Variants in FER1L6 observed in about 807,000 individuals in gnomAD.
The protein encoded by FER1L6 is fer-1-like protein 6.
A neutral mutation model predicts 219.2 loss-of-function variants in FER1L6; 177 were observed. The ratio of observed to expected loss-of-function variants is 0.81; its 90% CI spans 0.71 to 0.91. The LOEUF (loss-of-function observed/expected upper bound fraction) is 0.91. Among genes scored for constraint, FER1L6 ranks in the 40% least tolerant of loss-of-function variants. The probability of loss-of-function intolerance (pLI) is 0.00; values close to 1 mark genes in which losing one functional copy is unlikely to be tolerated. For synonymous variants in FER1L6, 768 were observed against 824.3 expected (o/e 0.93, Z 1.17); for missense variants, 2,153 against 2,259.9 (o/e 0.95, Z 0.96).
chr8:123,864,144 C>T (rs545353103), intron 1 of FER1L6, among the ~76,000 whole-genome samples: 1 of 149,260 alleles, frequency 6.7e-6, no homozygotes, highest in South Asian at 2.1e-4. Context: ...ATGTTTAGCG[C>T]TTCCTTCAGG....
At chr8:123,952,343 G>A (rs1343898314) in intron 1 of FER1L6, among the ~76,000 whole-genome samples, 1 of 152,232 alleles carries the variant, frequency 6.6e-6, no homozygotes, top group Non-Finnish European at 1.5e-5. Flanking sequence ...CGGGCCTTGT[G>A]GTTAAACACT....
At chr8:123,890,625 A>ATTTT (rs59914385) in intron 1 of FER1L6, among the ~76,000 whole-genome samples, 1,499 of 91,390 alleles carry the variant, frequency 0.016, 98 homozygotes, top group African/African-American at 0.04. Flanking sequence ...TAAAAATTTG[A>ATTTT]TTTTTTTTTT....
chr8:123,871,930 G>A (rs1413393697), intron 1 of FER1L6, among the ~76,000 whole-genome samples: 1 of 152,108 alleles, frequency 6.6e-6, no homozygotes, highest in Non-Finnish European at 1.5e-5. Context: ...TATGTATTAG[G>A]CTGTTCTTGC....
intron 12 of FER1L6, among the ~76,000 whole-genome samples, chr8:123,990,731 A>G (rs1816817723): frequency 6.6e-6 from 1 of 152,058 alleles, no homozygotes; most frequent in African/African-American, 2.4e-5. Context: ...ATTAGGTCCC[A>G]CTTATTTATG....
At chr8:124,015,195 C>T (rs993157587) in intron 15 of FER1L6, among the ~76,000 whole-genome samples, 2 of 152,118 alleles carry the variant, frequency 1.3e-5, no homozygotes, top group Non-Finnish European at 2.9e-5. Flanking sequence ...CAGCCCATCA[C>T]TCTTGACGGT....
intron 33 of FER1L6, among the ~76,000 whole-genome samples, chr8:124,087,543 A>C (rs1195732076): frequency 2.0e-5 from 3 of 152,090 alleles, no homozygotes; most frequent in Non-Finnish European, 4.4e-5. Context: ...ATGAAAGGAA[A>C]CATCTCTCTG....
At chr8:124,053,956 G>A (rs557415187) in intron 22 of FER1L6, among the ~76,000 whole-genome samples, 5 of 152,142 alleles carry the variant, frequency 3.3e-5, no homozygotes, top group African/African-American at 7.2e-5. Flanking sequence ...AGCTGCCCCC[G>A]TCCTCCCTAT....
At chr8:123,932,591 A>G (rs1249821993) in intron 1 of FER1L6, among the ~76,000 whole-genome samples, 4 of 152,216 alleles carry the variant, frequency 2.6e-5, no homozygotes, top group Non-Finnish European at 5.9e-5. Flanking sequence ...TGGCATTCAA[A>G]TTAGCCAAAG....
intron 3 of FER1L6, among the ~76,000 whole-genome samples, chr8:123,964,886 A>G (rs1364577166): frequency 6.6e-6 from 1 of 152,096 alleles, no homozygotes; most frequent in South Asian, 2.1e-4. Context: ...ACACTTGCCT[A>G]CTAGTTCTTT....
intron 18 of FER1L6, among the ~76,000 whole-genome samples, chr8:124,029,516 A>G (rs1439933270): frequency 6.6e-6 from 1 of 152,130 alleles, no homozygotes; most frequent in African/African-American, 2.4e-5. Flanking sequence ...ATTTCTCTAA[A>G]GATCAGTGAT....
chr8:123,988,602 C>A (rs551063847), intron 12 of FER1L6, among the ~76,000 whole-genome samples: 3 of 152,098 alleles, frequency 2.0e-5, no homozygotes, highest in African/African-American at 7.2e-5. Context: ...AATGGGATTA[C>A]TTTCTTGATT....
At chr8:123,997,859 C>A (rs1416293479) in intron 12 of FER1L6, among the ~76,000 whole-genome samples, 2 of 152,130 alleles carry the variant, frequency 1.3e-5, no homozygotes, top group Non-Finnish European at 2.9e-5. Flanking sequence ...TTGATTCTTT[C>A]TAATTATTCA....
At chr8:124,069,859 A>G (rs1472488589) in intron 29 of FER1L6, among the ~76,000 whole-genome samples, 1 of 152,218 alleles carries the variant, frequency 6.6e-6, no homozygotes, top group Non-Finnish European at 1.5e-5. Flanking sequence ...AACATTAGTT[A>G]GAGGGTATTA....
rs115892892 is a variant in FER1L6 at position 123,868,133 on chromosome 8, T to C, written c.-8+15948T>C. ...CTTCCCCGCTCCTTCTCCCCTCATT[T>C]ATTGGATGGGAATAAAGTACCAGTA... is the stretch of plus-strand genomic sequence containing the variant. On this transcript the variant is annotated intron_variant, in intron 1 of 40. Coordinates refer to ENST00000522917, the MANE Select transcript of FER1L6 (RefSeq NM_001039112.2). 3.9e-3 allele frequency among the ~76,000 whole-genome samples: 598 copies of C among 152,184 alleles called. 3 individuals carry two copies. The highest frequency in any genetic ancestry group is 0.013 in the African/African-American group (553 of 41,488).
chr8:123,908,059 C>T (rs1812985125), intron 1 of FER1L6, among the ~76,000 whole-genome samples: 1 of 152,040 alleles, frequency 6.6e-6, no homozygotes, highest in Admixed American at 6.6e-5. Context: ...AACCAAGCAC[C>T]ATACCTGATA....
chr8:124,061,969 T>C lies in FER1L6; in HGVS notation c.3265T>C (p.Leu1089=), dbSNP rs2130831366. 1 of 1,614,190 alleles carries C rather than the reference T, an allele frequency of 6.2e-7. No individual in the cohort carries two copies. Among genetic ancestry groups the C allele is most frequent in the Non-Finnish European group, 8.5e-7 (1 of 1,180,002 alleles). The change falls in exon 25 of 41, where the codon TTG becomes CTG. Residue 1089 remains leucine, a synonymous_variant. Coordinates refer to ENST00000522917, the MANE Select transcript of FER1L6 (RefSeq NM_001039112.2). ...TYTINYLKQF[L]CKLREPLAPI... The stretch of plus-strand genomic sequence containing the variant: ...CACCATCAACTACTTGAAGCAGTTT[T>C]TGTGTAAACTCAGAGAGCCCCTTGC...
chr8:123,900,873 T>A (rs906362051), intron 1 of FER1L6, among the ~76,000 whole-genome samples: 2 of 152,218 alleles, frequency 1.3e-5, no homozygotes, highest in Admixed American at 6.5e-5. Flanking sequence ...TGGTGGATTA[T>A]CTTTTTGATA....
In FER1L6 at chr8:124,071,571, C is replaced by T. The variant is rs185865795; in HGVS notation, c.4032C>T (p.Ile1344=). ...SSSEDSGQLR[I]QQGIPPNHPV... Reference sequence around the variant, plus strand: ...CTGAGGACAGCGGGCAGCTGAGAATCCAGCAAGGGATTCCGCCCAATCACC... The same window carrying T: ...CTGAGGACAGCGGGCAGCTGAGAATTCAGCAAGGGATTCCGCCCAATCACC... The change falls in exon 31 of 41, where the codon ATC becomes ATT. Residue 1344 remains isoleucine (I), a synonymous_variant. Coordinates refer to ENST00000522917, the MANE Select transcript of FER1L6 (RefSeq NM_001039112.2). 259 of 1,614,116 alleles carry T rather than the reference C, an allele frequency of 1.6e-4. No homozygotes were observed. The African/African-American group carries it at 2.9e-3, about 18-fold the overall frequency.
rs1454117737 is a variant in FER1L6 at position 124,111,071 on chromosome 8, A to G, written c.5289+7762A>G. 6.6e-6 allele frequency among the ~76,000 whole-genome samples: 1 copy of G among 152,200 alleles called. No homozygotes were observed. The highest frequency in any genetic ancestry group is 2.4e-5 in the African/African-American group (1 of 41,448). ...GAGATGGTTCTCAGATCCTTGAAAA[A>G]AACATTCCTGGGTGTTAAAGACAAA... On this transcript the variant is annotated intron_variant, in intron 39 of 40. Coordinates refer to ENST00000522917, the MANE Select transcript of FER1L6 (RefSeq NM_001039112.2). The surrounding 1 kb of genome is among the most constrained non-coding windows in gnomAD (Gnocchi z 5.0).
Sources: gnomAD v4.1 joint callset for allele counts (sites outside exome capture counted in the v4.1 genomes callset) on GRCh38, gnomAD v4.1.1 for gene constraint, Gnocchi (gnomAD v3.1) non-coding constraint, MANE v1.5 for transcripts, NCBI Gene and HGNC (gene_info 2026-07-23, HGNC 2026-07-21) for gene names.